HDAC4: variants seen among roughly 807,000 people sequenced by gnomAD.
HDAC4 encodes histone deacetylase A.
In HDAC4, 16 loss-of-function variants were observed where a neutral mutation model predicts 135.1. That is an observed-to-expected ratio of 0.12 (90% CI 0.08 to 0.18). HDAC4 has a LOEUF of 0.18. Ranked by LOEUF, HDAC4 falls within the 10% of genes least tolerant of loss-of-function variation. The pLI is 1.00. For missense variants in HDAC4, 1,143 were observed against 1,511.8 expected (o/e 0.76, Z 4.05); for synonymous variants, 685 against 653.4 (o/e 1.05, Z -0.74).
At chr2:239,102,534 A>C in intron 16 of HDAC4, 1 of 524,586 alleles carries the variant, frequency 1.9e-6, no homozygotes, top group Non-Finnish European at 3.5e-6. Flanking sequence ...ACTCTGATTC[A>C]AGATGCTTCT....
intron 2 of HDAC4, among the ~76,000 whole-genome samples, chr2:239,243,328 A>G (rs1194851048): frequency 6.6e-6 from 1 of 151,964 alleles, no homozygotes; most frequent in Non-Finnish European, 1.5e-5. Flanking sequence ...AGTATTTTGT[A>G]TTTTTAGTAG....
Position 239,262,875 on chromosome 2 carries a change from GGCTCT to G in HDAC4, c.23-26216_23-26212del, listed in dbSNP as rs2049456891. Among the ~76,000 whole-genome samples, 2 of 152,140 alleles carry G rather than the reference GGCTCT, an allele frequency of 1.3e-5. No individual in the cohort carries two copies. The highest frequency in any genetic ancestry group is 4.8e-5 in the African/African-American group (2 of 41,428). ...TGCCCTGGTGAGCAGGAGAGCGTGA[GGCTCT>G]AAGGAGTGGATCCCTCACTGGAAGG... On this transcript the variant is annotated intron_variant, in intron 2 of 26. Transcript: ENST00000543185. This position sits in a 1 kb window ranked among gnomAD's most constrained non-coding sequence, Gnocchi z 4.1.
intron 7 of HDAC4, among the ~76,000 whole-genome samples, chr2:239,152,976 G>A (rs907396845): frequency 2.2e-4 from 34 of 152,352 alleles, no homozygotes; most frequent in African/African-American, 7.2e-4. Context: ...CACAGATGAC[G>A]AAACTGAGGC....
At chr2:239,234,173 T>C (rs1164245721) in intron 3 of HDAC4, among the ~76,000 whole-genome samples, 5 of 152,246 alleles carry the variant, frequency 3.3e-5, no homozygotes, top group Non-Finnish European at 5.9e-5. Context: ...GGCTCAATGA[T>C]GGATGTCATA....
In HDAC4 at chr2:239,163,943, A is replaced by T; in HGVS notation, c.491-20T>A. 2 of 1,613,864 alleles carry T rather than the reference A, an allele frequency of 1.2e-6. No homozygotes were observed. The highest frequency in any genetic ancestry group is 1.1e-5 in the South Asian group (1 of 91,064). ...CGGCACCTGGCGTGGGAGAAAGCAT[A>T]GCAGGGGGTGAAGTGTGGCTCTGCC... On this transcript the variant is annotated intron_variant, in intron 5 of 26. Coordinates refer to ENST00000543185, the MANE Select transcript of HDAC4 (RefSeq NM_001378414.1).
At chr2:239,078,841 G>A (rs934888423) in intron 22 of HDAC4, among the ~76,000 whole-genome samples, 3 of 152,234 alleles carry the variant, frequency 2.0e-5, no homozygotes, top group Non-Finnish European at 4.4e-5. Flanking sequence ...AACGCCTATG[G>A]GGTGAGGGTG....
intron 1 of HDAC4, among the ~76,000 whole-genome samples, chr2:239,398,069 C>T (rs1289094612): frequency 3.4e-3 from 27 of 7,948 alleles, no homozygotes; most frequent in Admixed American, 0.032. Flanking sequence ...CCCTTCAGTT[C>T]CCCCATCCCC....
At position 239,285,380 on chromosome 2, in the gene HDAC4, C is replaced by G. The variant is rs1000070656; in HGVS notation, c.23-48716G>C. On this transcript the variant is annotated intron_variant, in intron 2 of 26. Transcript: ENST00000543185. The surrounding 1 kb of genome is among the most constrained non-coding windows in gnomAD (Gnocchi z 4.5). ...TGAGCCGGTGCTCTTCCCTGGCATC[C>G]TGCACTTCCTGGGTAAGGAAGGAGA... Among the ~76,000 whole-genome samples the G allele has an allele frequency of 2.3e-4, 35 of 152,202 alleles. No individual in the cohort carries two copies. Among genetic ancestry groups the G allele is most frequent in the Middle Eastern group, 3.2e-3 (1 of 316 alleles).
intron 1 of HDAC4, among the ~76,000 whole-genome samples, chr2:239,390,763 C>T (rs906376482): frequency 2.0e-5 from 3 of 152,146 alleles, no homozygotes; most frequent in South Asian, 2.1e-4. Flanking sequence ...CCTGGAGCCC[C>T]GAGCCTGGAC....
At chr2:239,195,753 G>T (rs1298598527) in intron 3 of HDAC4, among the ~76,000 whole-genome samples, 1 of 152,196 alleles carries the variant, frequency 6.6e-6, no homozygotes, top group East Asian at 1.9e-4. Context: ...TTTATAGGTT[G>T]TGCCTTGAGA....
intron 2 of HDAC4, among the ~76,000 whole-genome samples, chr2:239,336,912 G>A (rs889658393): frequency 1.3e-5 from 2 of 152,178 alleles, no homozygotes; most frequent in Non-Finnish European, 2.9e-5. Context: ...CTTAGGTGTC[G>A]CATGTCCTGA....
At chr2:239,081,957 T>C (rs750787775) in intron 21 of HDAC4, 145 bp downstream of exon 21, 3 of 799,860 alleles carry the variant, frequency 3.8e-6, no homozygotes, top group Non-Finnish European at 6.2e-6. Context: ...GGCTGACGTC[T>C]GACTGAAGTT....
chr2:239,238,820 T>A (rs1462263093), intron 2 of HDAC4, among the ~76,000 whole-genome samples: 1 of 152,246 alleles, frequency 6.6e-6, no homozygotes. Context: ...TGTTCCTGTA[T>A]CCACAAGCAT....
intron 24 of HDAC4, among the ~76,000 whole-genome samples, chr2:239,056,911 T>C (rs1302893628): frequency 1.3e-5 from 2 of 152,136 alleles, no homozygotes; most frequent in Non-Finnish European, 2.9e-5. Flanking sequence ...AACTCAAACA[T>C]GAACTGAAGG....
In HDAC4 at chr2:239,306,743, T is replaced by A. The variant is rs777312268; in HGVS notation, c.22+45935A>T. Among the ~76,000 whole-genome samples, 14 of 150,650 alleles carry A rather than the reference T, an allele frequency of 9.3e-5. No homozygotes were observed. Among genetic ancestry groups the A allele is most frequent in the Non-Finnish European group, 1.9e-4 (13 of 67,688 alleles). On this transcript the variant is annotated intron_variant, in intron 2 of 26. Transcript: ENST00000543185. The surrounding 1 kb of genome is among the most constrained non-coding windows in gnomAD (Gnocchi z 4.5). ...CAGGGTTTTACATGGTGAAAAGGGGTAGGGGGTGAATGCTAAGGGGCGAAG... is the reference window on the plus strand; with the variant it reads ...CAGGGTTTTACATGGTGAAAAGGGGAAGGGGGTGAATGCTAAGGGGCGAAG...
At chr2:239,087,449 CAGCAA>C in intron 19 of HDAC4, 105 bp downstream of exon 19, 1 of 1,097,408 alleles carries the variant, frequency 9.1e-7, no homozygotes, top group Non-Finnish European at 1.3e-6. Flanking sequence ...CCTGGGTGGC[CAGCAA>C]ACAGCAGCCC....
At chr2:239,375,168 G>A (rs919865418) in intron 1 of HDAC4, among the ~76,000 whole-genome samples, 9 of 152,206 alleles carry the variant, frequency 5.9e-5, no homozygotes, top group Non-Finnish European at 1.3e-4. Context: ...CAGCAGGAAC[G>A]CCCAGATGTG....
At chr2:239,196,849 G>C (rs2045419126) in intron 3 of HDAC4, among the ~76,000 whole-genome samples, 1 of 152,252 alleles carries the variant, frequency 6.6e-6, no homozygotes, top group Admixed American at 6.5e-5. Flanking sequence ...GTGGTCAACA[G>C]AGGTCAGGCA....
Position 239,187,436 on chromosome 2 carries a change from G to A in HDAC4, c.339+2397C>T, listed in dbSNP as rs74658716. 1.8e-3 allele frequency among the ~76,000 whole-genome samples: 275 copies of A among 152,344 alleles called. 1 individual carries two copies. The Middle Eastern group carries it at 0.034, about 19-fold the overall frequency. ...AGTGGCCTCTTGAGGGCTGCTCTTCGCAGATCATGGAAAGGCTGGTGAGCT... is the reference window on the plus strand; with the variant it reads ...AGTGGCCTCTTGAGGGCTGCTCTTCACAGATCATGGAAAGGCTGGTGAGCT... On this transcript the variant is annotated intron_variant, in intron 4 of 26. Coordinates refer to ENST00000543185, the MANE Select transcript of HDAC4 (RefSeq NM_001378414.1).
Sources: allele counts gnomAD v4.1 joint callset (sites outside exome capture counted in the v4.1 genomes callset), GRCh38; gene constraint gnomAD v4.1.1; non-coding constraint Gnocchi (gnomAD v3.1); transcripts MANE v1.5; gene names NCBI Gene and HGNC (gene_info 2026-07-23, HGNC 2026-07-21).